Variants in TRIB3 observed in about 807,000 individuals in gnomAD.
The protein encoded by TRIB3 is tribbles homolog 3.
In TRIB3, 20 loss-of-function variants were observed where a neutral mutation model predicts 16.6. That is an observed-to-expected ratio of 1.20 (90% CI 0.85 to 1.75). The LOEUF (loss-of-function observed/expected upper bound fraction) is 1.75, where lower values mean the gene tolerates loss of function less well. TRIB3 is among the 40% of genes most tolerant of loss of function. TRIB3 has a pLI of 0.00. For synonymous variants in TRIB3, 208 were observed against 217.0 expected (o/e 0.96, Z 0.36); for missense variants, 484 against 488.9 (o/e 0.99, Z 0.10).
In TRIB3 at chr20:388,235, G is replaced by C. The variant is rs1471155026; in HGVS notation, c.225G>C (p.Glu75Asp). 1 of 1,613,510 alleles carries C rather than the reference G, an allele frequency of 6.2e-7. No individual in the cohort carries two copies. Among genetic ancestry groups the C allele is most frequent in the African/African-American group, 1.3e-5 (1 of 74,944 alleles). Residue 75 changes from glutamate to aspartate, a missense_variant, in exon 2 of 4, where the codon GAG (glutamate) becomes GAC (aspartate). Physicochemically the swap from Glu to Asp is conservative, Grantham distance 45. Transcript: ENST00000217233. The part of the protein sequence containing the change: ...ASRLGPYVLL[E>D]PEEGGRAYQA... ...GTCTTGGGCCCTATGTCCTCCTGGA[G>C]CCCGAGGAGGGCGGGCGGGCCTACC...
chr20:392,852 C>G (rs573546201), intron 3 of TRIB3, among the ~76,000 whole-genome samples: 435 of 152,168 alleles, frequency 2.9e-3, no homozygotes, highest in African/African-American at 9.1e-3. Flanking sequence ...GGTACTGCAC[C>G]CAGCCTAGAC....
In TRIB3 at chr20:388,185, G is replaced by C. The variant is rs1356357316; in HGVS notation, c.175G>C (p.Ala59Pro). ...PLSPPTAPDRATAVATASRLG... is the reference protein window; with the variant it reads ...PLSPPTAPDRPTAVATASRLG... ...GAGCCCACCTACTGCTCCAGATCGT[G>C]CAACTGCTGTGGCCACTGCCTCCCG... is the stretch of plus-strand genomic sequence containing the variant. The change falls in exon 2 of 4, where the codon GCA (alanine) becomes CCA (proline). Residue 59 changes from alanine (A) to proline (P), a missense_variant. Coordinates refer to ENST00000217233, the MANE Select transcript of TRIB3 (RefSeq NM_021158.5). The C allele has an allele frequency of 6.2e-7, 1 of 1,613,874 alleles. No homozygotes were observed. The highest frequency in any genetic ancestry group is 2.2e-5 in the East Asian group (1 of 44,888).
Position 391,342 on chromosome 20 carries a change from C to T in TRIB3, c.347C>T (p.Pro116Leu), listed in dbSNP as rs528887266. Residue 116 changes from proline to leucine, a missense_variant, in exon 3 of 4, where the codon CCG becomes CTG. Physicochemically the swap from Pro to Leu is moderately conservative, Grantham distance 98 (BLOSUM62 -3). Transcript: ENST00000217233. Reference protein sequence around the residue: ...AVLEPYARLPPHKHVARPTEV... With the variant: ...AVLEPYARLPLHKHVARPTEV... ...CTGGAGCCCTATGCGCGGCTGCCCC[C>T]GCACAAGCATGTGGCTCGGCCCACT... 16 of 1,613,434 alleles carry T rather than the reference C, an allele frequency of 9.9e-6. No individual in the cohort carries two copies. The highest frequency in any genetic ancestry group is 6.7e-5 in the African/African-American group (5 of 75,066).
chr20:388,330 G>A (rs1164808592), intron 2 of TRIB3, 29 bp downstream of exon 2: 1 of 1,576,784 alleles, frequency 6.3e-7, no homozygotes, highest in African/African-American at 1.3e-5. Context: ...CTGTCCCCCA[G>A]CACCACAGGA....
chr20:392,378 T>C (rs993161926), intron 3 of TRIB3, among the ~76,000 whole-genome samples: 1 of 152,128 alleles, frequency 6.6e-6, no homozygotes, highest in African/African-American at 2.4e-5. Context: ...CTAGTGTCTC[T>C]GAGCCTCAGT....
chr20:382,401 A>C, intron 1 of TRIB3: 1 of 862,672 alleles, frequency 1.2e-6, no homozygotes, highest in South Asian at 1.6e-5. Context: ...GGCACAGGCC[A>C]GAGGGACTCC....
At chr20:383,455 T>C (rs969742471) in intron 1 of TRIB3, among the ~76,000 whole-genome samples, 5 of 152,304 alleles carry the variant, frequency 3.3e-5, no homozygotes, top group South Asian at 2.1e-4. Flanking sequence ...TTTTGTTTTG[T>C]TTTGCTTTGT....
Position 388,381 on chromosome 20 carries a change from A to T in TRIB3, c.291+80A>T, listed in dbSNP as rs1006633709. ...CCTCCAAAGGATTGCCAGGGTGCAG[A>T]GGGGTCCTTATGTTCATTCATTCTT... On this transcript the variant is annotated intron_variant, in intron 2 of 3. Transcript: ENST00000217233. 2.0e-6 allele frequency: 3 copies of T among 1,468,934 alleles called. No homozygotes were observed. In the South Asian group the frequency reaches 4.0e-5, roughly 20 times the overall value. The allele number at this position is 1,468,934 out of a possible 1,614,324, so 91.0% of individuals were successfully genotyped here. A position where few individuals can be genotyped will look rare whatever the true frequency, so the allele number is the denominator to read the frequency against.
In TRIB3 at chr20:396,615, G is replaced by A. The variant is rs773476269; in HGVS notation, c.1002G>A (p.Gln334=). 1 of 1,613,136 alleles carries A rather than the reference G, an allele frequency of 6.2e-7. No individual in the cohort carries two copies. Among genetic ancestry groups the A allele is most frequent in the South Asian group, 1.1e-5 (1 of 91,082 alleles). The part of the protein sequence containing the change: ...PTRSHLWEAA[Q]VVPDGLGLDE... ...GATCCCATCTCTGGGAGGCTGCCCAGGTGGTCCCTGATGGACTGGGGCTGG... is the reference window on the plus strand; with the variant it reads ...GATCCCATCTCTGGGAGGCTGCCCAAGTGGTCCCTGATGGACTGGGGCTGG... The change falls in exon 4 of 4, where the codon CAG becomes CAA. Residue 334 remains glutamine, a synonymous_variant. Coordinates refer to ENST00000217233, the MANE Select transcript of TRIB3 (RefSeq NM_021158.5).
intron 2 of TRIB3, among the ~76,000 whole-genome samples, chr20:388,936 A>G (rs1161506908): frequency 1.3e-5 from 2 of 152,106 alleles, no homozygotes; most frequent in Admixed American, 1.3e-4. Context: ...GTGAAGTCAC[A>G]TAGCACTGGG....
At position 388,178 on chromosome 20, in the gene TRIB3, A is replaced by G; in HGVS notation, c.168A>G (p.Pro56=). Residue 56 remains proline (P), a synonymous_variant, in exon 2 of 4, where the codon CCA becomes CCG. Coordinates refer to ENST00000217233, the MANE Select transcript of TRIB3 (RefSeq NM_021158.5). ...TGCCCCTGAGCCCACCTACTGCTCC[A>G]GATCGTGCAACTGCTGTGGCCACTG... ...CLLPLSPPTA[P]DRATAVATAS... 6.2e-7 allele frequency: 1 copy of G among 1,614,014 alleles called. No individual in the cohort carries two copies. The highest frequency in any genetic ancestry group is 8.5e-7 in the Non-Finnish European group (1 of 1,180,032).
At chr20:389,636 G>T (rs2014917654) in intron 2 of TRIB3, among the ~76,000 whole-genome samples, 1 of 152,154 alleles carries the variant, frequency 6.6e-6, no homozygotes, top group African/African-American at 2.4e-5. Flanking sequence ...TCCCCTTCCT[G>T]CAGCATCACA....
chr20:387,934 C>T lies in TRIB3; in HGVS notation c.1-77C>T, dbSNP rs976510439. 5.5e-5 allele frequency: 84 copies of T among 1,516,730 alleles called. No homozygotes were observed. In the East Asian group the frequency reaches 1.1e-3, roughly 20 times the overall value. The allele number at this position is 1,516,730 out of a possible 1,614,324, so 94.0% of individuals were successfully genotyped here. On this transcript the variant is annotated intron_variant, in intron 1 of 3. Coordinates refer to ENST00000217233, the MANE Select transcript of TRIB3 (RefSeq NM_021158.5). Reference sequence around the variant, plus strand: ...ATCACCCCCTATAAATGTTGTGCCACGTATCCTCCCACCAGCAGGGGAAAG... The same window carrying T: ...ATCACCCCCTATAAATGTTGTGCCATGTATCCTCCCACCAGCAGGGGAAAG...
In TRIB3 at chr20:393,564, GC is replaced by G. The variant is rs2015037664; in HGVS notation, c.584+1987del. On this transcript the variant is annotated intron_variant, in intron 3 of 3. Transcript: ENST00000217233. ...ACTCCTGAGCTCAAGCAATCTGCCT[GC>G]CTCAGCCTCCCAAAATCCTGGGATT... Among the ~76,000 whole-genome samples the G allele has an allele frequency of 2.0e-5, 3 of 152,230 alleles. No homozygotes were observed. The South Asian group carries it at 6.2e-4, about 32-fold the overall frequency.
At chr20:382,489 G>C in intron 1 of TRIB3, 1 of 1,526,500 alleles carries the variant, frequency 6.6e-7, no homozygotes, top group Admixed American at 2.0e-5. Flanking sequence ...ACAGCCTTGA[G>C]ATGTAAGGAG....
chr20:385,048 C>T (rs1168605233), intron 1 of TRIB3, among the ~76,000 whole-genome samples: 1 of 152,190 alleles, frequency 6.6e-6, no homozygotes, highest in Non-Finnish European at 1.5e-5. Flanking sequence ...CACTAACCAC[C>T]TCTGCCATAT....
intron 1 of TRIB3, chr20:382,758 C>A: frequency 1.5e-6 from 1 of 676,692 alleles, no homozygotes; most frequent in Non-Finnish European, 2.6e-6. Context: ...AGGGGTACCC[C>A]CCAGCTAGAA....
rs1486839594 is a variant in TRIB3 at position 380,878 on chromosome 20, T to G, written c.-292T>G. ...GGGCCCGAGGGCATCAGACGGCGGC[T>G]GATTAGCTCCGGTTTGCATCACCCG... On this transcript the variant is annotated 5_prime_UTR_variant, in exon 1 of 4. Coordinates refer to ENST00000217233, the MANE Select transcript of TRIB3 (RefSeq NM_021158.5). 2.4e-5 allele frequency: 2 copies of G among 83,530 alleles called. No homozygotes were observed. The highest frequency in any genetic ancestry group is 6.3e-5 in the African/African-American group (2 of 31,626). The allele number at this position is 83,530 out of a possible 1,614,324, so 5.2% of individuals were successfully genotyped here.
rs560088942 is a variant in TRIB3, at chr20:386,980, C to T, written c.1-1031C>T. On this transcript the variant is annotated intron_variant, in intron 1 of 3. Coordinates refer to ENST00000217233, the MANE Select transcript of TRIB3 (RefSeq NM_021158.5). ...GTTGGCCAGGCTGGTCTTGAACTCC[C>T]AGCCTCATGATTCGCCCACCTTGGC... Among the ~76,000 whole-genome samples the T allele has an allele frequency of 4.7e-3, 704 of 150,830 alleles. 8 individuals carry two copies. Among genetic ancestry groups the T allele is most frequent in the South Asian group, 0.013 (60 of 4,736 alleles).
Sources: allele counts gnomAD v4.1 joint callset (sites outside exome capture counted in the v4.1 genomes callset), GRCh38; gene constraint gnomAD v4.1.1; transcripts MANE v1.5; gene names NCBI Gene and HGNC (gene_info 2026-07-23, HGNC 2026-07-21).